The following CCSER1 variants were observed in gnomAD, a reference collection of about 807,000 sequenced individuals.
CCSER1 encodes the protein serine-rich coiled-coil domain-containing protein 1.
In CCSER1, 41 loss-of-function variants were observed where a neutral mutation model predicts 82.0. That is an observed-to-expected ratio of 0.50 (90% confidence interval 0.39 to 0.65). CCSER1 has a LOEUF of 0.65. CCSER1 is among the 30% of genes least tolerant of loss of function. The pLI is 0.00. For missense variants in CCSER1, 1,119 were observed against 1,064.2 expected, an observed-to-expected ratio of 1.05 and a Z score of -0.72; for synonymous variants, 414 against 383.9, an observed-to-expected ratio of 1.08 and a Z score of -0.92.
At chr4:91,252,662 C>T (rs1183820212) in intron 10 of CCSER1, among the ~76,000 whole-genome samples, 1 of 152,060 alleles carries the variant, frequency 6.6e-6, no homozygotes, top group Non-Finnish European at 1.5e-5. Flanking sequence ...AATTCTGTGA[C>T]CTTGCCAACC....
chr4:90,488,459 A>T (rs1767476255), intron 5 of CCSER1, among the ~76,000 whole-genome samples: 1 of 152,198 alleles, frequency 6.6e-6, no homozygotes, highest in Admixed American at 6.5e-5. Flanking sequence ...AAGTGCTGAG[A>T]TTACAAGGGT....
intron 7 of CCSER1, among the ~76,000 whole-genome samples, chr4:90,780,261 CA>C (rs992969869): frequency 2.0e-4 from 31 of 151,962 alleles, no homozygotes; most frequent in African/African-American, 6.5e-4. Context: ...TCTTGTTTTC[CA>C]AAAAGGAGAT....
rs549897287 is a variant in CCSER1, at chr4:91,163,162, T to A, written c.2217+77168T>A. The stretch of plus-strand genomic sequence containing the variant: ...GTTCTCATTGGTTTCAAAGAACATC[T>A]TTATTTCTGCCTTCATTTATTATTT... On this transcript the variant is annotated intron_variant, in intron 10 of 10. Coordinates refer to ENST00000509176, the MANE Select transcript of CCSER1 (RefSeq NM_001145065.2). Among the ~76,000 whole-genome samples the A allele has an allele frequency of 2.0e-5, 3 of 152,360 alleles. No individual in the cohort carries two copies. In the South Asian group the frequency reaches 6.2e-4, roughly 32 times the overall value.
intron 10 of CCSER1, among the ~76,000 whole-genome samples, chr4:91,093,029 G>C (rs956038816): frequency 1.3e-5 from 2 of 152,030 alleles, no homozygotes; most frequent in Admixed American, 6.6e-5. Context: ...TTTATATAAT[G>C]CTCCATATAC....
chr4:90,260,502 A>G (rs187148105), intron 1 of CCSER1, among the ~76,000 whole-genome samples: 1 of 151,902 alleles, frequency 6.6e-6, no homozygotes, highest in Non-Finnish European at 1.5e-5. Context: ...TTATGATGAT[A>G]TAATATTGTT....
At chr4:91,270,430 C>A (rs73835111) in intron 10 of CCSER1, among the ~76,000 whole-genome samples, 1 of 152,034 alleles carries the variant, frequency 6.6e-6, no homozygotes, top group Non-Finnish European at 1.5e-5. Context: ...GTATTAACAA[C>A]GTTCATCACA....
chr4:90,565,057 G>C (rs1197883333), intron 5 of CCSER1, among the ~76,000 whole-genome samples: 2 of 150,636 alleles, frequency 1.3e-5, no homozygotes, highest in Non-Finnish European at 2.9e-5. Flanking sequence ...TTTCTGTGAA[G>C]ATTGTCATTG....
intron 8 of CCSER1, among the ~76,000 whole-genome samples, chr4:90,881,992 A>T (rs1044778836): frequency 6.6e-6 from 1 of 152,070 alleles, no homozygotes; most frequent in Non-Finnish European, 1.5e-5. Context: ...CTGAAGAAAT[A>T]ACTACTACAT....
Position 91,271,673 on chromosome 4 carries a change from A to G in CCSER1, c.2217+185679A>G, listed in dbSNP as rs574958021. ...TATACATATATACACACATATATAT[A>G]TGATATATATACACACACATATATA... On this transcript the variant is annotated intron_variant, in intron 10 of 10. Coordinates refer to ENST00000509176, the MANE Select transcript of CCSER1 (RefSeq NM_001145065.2). Among the ~76,000 whole-genome samples the G allele has an allele frequency of 1.1e-3, 174 of 152,138 alleles. 3 individuals carry two copies. Among genetic ancestry groups the G allele is most frequent in the Non-Finnish European group, 1.8e-3 (120 of 67,998 alleles).
At chr4:91,148,399 T>TA (rs1312068424) in intron 10 of CCSER1, among the ~76,000 whole-genome samples, 2 of 152,044 alleles carry the variant, frequency 1.3e-5, no homozygotes, top group Admixed American at 1.3e-4. Flanking sequence ...GGGAATAGAT[T>TA]AAAAAAATAA....
chr4:90,259,507 T>C (rs899308753), intron 1 of CCSER1, among the ~76,000 whole-genome samples: 4 of 152,164 alleles, frequency 2.6e-5, no homozygotes, highest in African/African-American at 4.8e-5. Flanking sequence ...TCCTGTACTA[T>C]GTTGAATAGA....
intron 10 of CCSER1, among the ~76,000 whole-genome samples, chr4:91,384,714 A>G (rs1578328457): frequency 6.6e-6 from 1 of 152,246 alleles, no homozygotes; most frequent in East Asian, 1.9e-4. Flanking sequence ...AGATTGTTAA[A>G]TTTCACTGAC....
At chr4:90,139,560 T>A (rs984191025) in intron 1 of CCSER1, among the ~76,000 whole-genome samples, 2 of 152,184 alleles carry the variant, frequency 1.3e-5, no homozygotes, top group Non-Finnish European at 2.9e-5. Flanking sequence ...AATTATGAAG[T>A]AGAAAAAGAA....
At chr4:90,674,903 G>C (rs946632880) in intron 6 of CCSER1, among the ~76,000 whole-genome samples, 1 of 151,874 alleles carries the variant, frequency 6.6e-6, no homozygotes, top group African/African-American at 2.4e-5. Flanking sequence ...GAGGAAAGTA[G>C]AGCAGTTGCA....
At chr4:90,810,127 ATCT>A (rs2149736776) in intron 7 of CCSER1, among the ~76,000 whole-genome samples, 1 of 151,816 alleles carries the variant, frequency 6.6e-6, no homozygotes, top group East Asian at 2.0e-4. Flanking sequence ...GAATTTGAGC[ATCT>A]TCTTTTTTTC....
chr4:90,700,942 A>G (rs1287266769), intron 6 of CCSER1, among the ~76,000 whole-genome samples: 9 of 151,846 alleles, frequency 5.9e-5, no homozygotes, highest in African/African-American at 1.5e-4. Flanking sequence ...TTGCCTGTTC[A>G]CTCTGATGGT....
chr4:90,849,812 GAAAA>G (rs1763645642), intron 8 of CCSER1, among the ~76,000 whole-genome samples: 1 of 128,024 alleles, frequency 7.8e-6, no homozygotes, highest in South Asian at 2.6e-4. Context: ...AAAAAAAAAA[GAAAA>G]CCCATTTTCT....
chr4:91,329,733 C>T (rs1022503851), intron 10 of CCSER1, among the ~76,000 whole-genome samples: 1 of 152,164 alleles, frequency 6.6e-6, no homozygotes, highest in Non-Finnish European at 1.5e-5. Context: ...ACTCTACCCT[C>T]ATGATCTAAT....
chr4:90,488,218 G>C (rs1458807214), intron 5 of CCSER1, among the ~76,000 whole-genome samples: 3 of 151,748 alleles, frequency 2.0e-5, no homozygotes, highest in Non-Finnish European at 4.4e-5. Context: ...GTCTCGCTCT[G>C]TTGCCCAGGC....
Sources: allele counts gnomAD v4.1 joint callset (sites outside exome capture counted in the v4.1 genomes callset), GRCh38; gene constraint gnomAD v4.1.1; transcripts MANE v1.5; gene names NCBI Gene and HGNC (gene_info 2026-07-23, HGNC 2026-07-21).